The following CHST9 variants were observed in gnomAD, a reference collection of about 807,000 sequenced individuals.
CHST9 encodes GalNAc-4-sulfotransferase 2.
Under a neutral mutation model 44.4 loss-of-function variants are expected in CHST9, and 41 were observed. The ratio of observed to expected loss-of-function variants is 0.92; its 90% CI spans 0.72 to 1.20. The LOEUF is 1.20. CHST9 is among the 50% of genes most tolerant of loss of function. The probability of loss-of-function intolerance (pLI) is 0.00; values close to 1 mark genes in which losing one functional copy is unlikely to be tolerated. For missense variants in CHST9, 504 were observed against 516.5 expected (o/e 0.98, Z 0.23); for synonymous variants, 171 against 178.4 (o/e 0.96, Z 0.33).
chr18:27,061,236 C>G (rs569477076), intron 2 of CHST9, among the ~76,000 whole-genome samples: 4 of 152,318 alleles, frequency 2.6e-5, no homozygotes, highest in African/African-American at 9.6e-5. Context: ...GACCACCCTG[C>G]ATCAGGTTTT....
intron 4 of CHST9, among the ~76,000 whole-genome samples, chr18:26,994,621 G>C (rs2056863649): frequency 6.6e-6 from 1 of 152,048 alleles, no homozygotes. Context: ...ACAGGGTTTT[G>C]CTCTATTGCT....
In CHST9 at chr18:26,914,925, C is replaced by G. The variant is rs2055491998; in HGVS notation, c.*1334G>C. On this transcript the variant is annotated 3_prime_UTR_variant, in exon 6 of 6. Transcript: ENST00000618847. ...TTTCTTAACTCGGGGTAAAAGTCGACCAATTAAAGTAGGTTTCCCATCCAA... is the reference window on the plus strand; with the variant it reads ...TTTCTTAACTCGGGGTAAAAGTCGAGCAATTAAAGTAGGTTTCCCATCCAA... The G allele has an allele frequency of 5.0e-6, 2 of 397,978 alleles. No individual in the cohort carries two copies. The highest frequency in any genetic ancestry group is 8.9e-6 in the Non-Finnish European group (2 of 225,656). The allele number at this position is 397,978 out of a possible 1,614,324, so 24.7% of individuals were successfully genotyped here. A position where few individuals can be genotyped will look rare whatever the true frequency, so the allele number is the denominator to read the frequency against.
At chr18:27,178,107 A>G (rs1017319074) in intron 1 of CHST9, among the ~76,000 whole-genome samples, 1 of 152,010 alleles carries the variant, frequency 6.6e-6, no homozygotes, top group Non-Finnish European at 1.5e-5. Context: ...ACAGACCAAG[A>G]AGCTTCCAGT....
At chr18:26,982,534 G>A (rs2056704712) in intron 4 of CHST9, among the ~76,000 whole-genome samples, 1 of 152,096 alleles carries the variant, frequency 6.6e-6, no homozygotes, top group Non-Finnish European at 1.5e-5. Flanking sequence ...TAAATTCATT[G>A]TGTGTCAGAC....
intron 2 of CHST9, among the ~76,000 whole-genome samples, chr18:27,099,221 G>A (rs575238667): frequency 7.2e-5 from 11 of 152,036 alleles, no homozygotes; most frequent in Middle Eastern, 3.4e-3. Flanking sequence ...GTAAGACCTC[G>A]AACTACAAGA....
At chr18:27,096,459 C>G (rs1598721276) in intron 2 of CHST9, among the ~76,000 whole-genome samples, 2 of 151,444 alleles carry the variant, frequency 1.3e-5, no homozygotes, top group South Asian at 4.2e-4. Context: ...AATTGAGACC[C>G]AAAAATCCAC....
At chr18:26,981,271 C>T (rs1205445008) in intron 4 of CHST9, among the ~76,000 whole-genome samples, 5 of 152,122 alleles carry the variant, frequency 3.3e-5, no homozygotes, top group Non-Finnish European at 5.9e-5. Context: ...CAGACAAAGT[C>T]CTCCACACCT....
chr18:27,169,316 A>G (rs897513585), intron 1 of CHST9, among the ~76,000 whole-genome samples: 1 of 152,214 alleles, frequency 6.6e-6, no homozygotes, highest in African/African-American at 2.4e-5. Context: ...ATAGATGATC[A>G]CTACACTTTG....
At chr18:27,048,637 G>T in intron 2 of CHST9, 134 bp from the exon 3 acceptor site, 1 of 613,392 alleles carries the variant, frequency 1.6e-6, no homozygotes, top group South Asian at 2.6e-5. Flanking sequence ...TCCTAGAGAT[G>T]ACTGGGCTCA....
At chr18:27,131,542 A>C (rs2058471938) in intron 2 of CHST9, among the ~76,000 whole-genome samples, 1 of 152,072 alleles carries the variant, frequency 6.6e-6, no homozygotes, top group African/African-American at 2.4e-5. Flanking sequence ...CACGAGCAAA[A>C]CTCCGTATCA....
chr18:27,050,712 G>A (rs1251001100), intron 2 of CHST9, among the ~76,000 whole-genome samples: 1 of 152,018 alleles, frequency 6.6e-6, no homozygotes, highest in Admixed American at 6.6e-5. Context: ...CCATTTAAAG[G>A]CCTCATTCAT....
chr18:26,942,525 T>C (rs1212922389), intron 5 of CHST9, among the ~76,000 whole-genome samples: 3 of 152,354 alleles, frequency 2.0e-5, no homozygotes, highest in Admixed American at 1.3e-4. Flanking sequence ...TTTTGGTGTC[T>C]ACATATTTTG....
At chr18:27,110,553 C>T (rs186520000) in intron 2 of CHST9, among the ~76,000 whole-genome samples, 20 of 152,250 alleles carry the variant, frequency 1.3e-4, no homozygotes, top group South Asian at 6.2e-4. Flanking sequence ...GCTTACTTTA[C>T]AAAGATTATA....
intron 4 of CHST9, among the ~76,000 whole-genome samples, chr18:27,000,653 T>TATCTATCTATCTATCTATCTATCTATC (rs1481787739): frequency 5.3e-5 from 8 of 151,442 alleles, no homozygotes; most frequent in African/African-American, 1.9e-4. Flanking sequence ...TCTATCTATC[T>TATCTATCTATCTATCTATCTATCTATC]ATCTCTCTAT....
chr18:27,086,841 T>C (rs2058017041), intron 2 of CHST9, among the ~76,000 whole-genome samples: 1 of 152,202 alleles, frequency 6.6e-6, no homozygotes, highest in African/African-American at 2.4e-5. Context: ...ACCTGTTTCT[T>C]CAAGGGTCTC....
At chr18:27,147,253 T>TA (rs1025588821) in intron 1 of CHST9, among the ~76,000 whole-genome samples, 1 of 151,912 alleles carries the variant, frequency 6.6e-6, no homozygotes, top group Non-Finnish European at 1.5e-5. Flanking sequence ...TTTTAGTAGA[T>TA]ACGGGGTTTC....
At chr18:26,967,459 T>C (rs2056481663) in intron 4 of CHST9, among the ~76,000 whole-genome samples, 2 of 152,212 alleles carry the variant, frequency 1.3e-5, no homozygotes, top group South Asian at 4.1e-4. Context: ...TTGGTCCCTA[T>C]AGATCTACCT....
chr18:27,112,578 CGT>C (rs35249332), intron 2 of CHST9, among the ~76,000 whole-genome samples: 18,192 of 140,340 alleles, frequency 0.13, 1,253 homozygotes, highest in South Asian at 0.2. Flanking sequence ...GGATATTCAA[CGT>C]GTGTGTGTGT....
At chr18:27,069,119 C>G (rs892986459) in intron 2 of CHST9, among the ~76,000 whole-genome samples, 2 of 152,138 alleles carry the variant, frequency 1.3e-5, no homozygotes, top group Admixed American at 6.5e-5. Flanking sequence ...CTCTTACTAT[C>G]AGGAGCAGCC....
Sources: allele counts gnomAD v4.1 joint callset (sites outside exome capture counted in the v4.1 genomes callset), GRCh38; gene constraint gnomAD v4.1.1; transcripts MANE v1.5; gene names NCBI Gene and HGNC (gene_info 2026-07-23, HGNC 2026-07-21).